Variants in RNF17 observed in about 807,000 individuals in gnomAD.
RNF17 encodes the protein ring finger protein 17, also known as spermatogenesis associated 23.
Under a neutral mutation model 200.5 loss-of-function variants are expected in RNF17, and 31 were observed. That is an observed-to-expected ratio of 0.15 (90% CI 0.12 to 0.21). The LOEUF is 0.21. RNF17 is among the 10% of genes least tolerant of loss of function. RNF17 has a pLI of 1.00. For missense variants in RNF17, 1,628 were observed against 1,905.1 expected, an observed-to-expected ratio of 0.85 and a Z score of 2.71; for synonymous variants, 606 against 637.8, an observed-to-expected ratio of 0.95 and a Z score of 0.75.
At chr13:24,868,847 C>A in intron 31 of RNF17, 131 bp downstream of exon 31, 1 of 648,762 alleles carries the variant, frequency 1.5e-6, no homozygotes. Flanking sequence ...CTCTAGTTTG[C>A]CCCACCCTAT....
intron 29 of RNF17, 86 bp from the exon 30 acceptor site, chr13:24,866,058 A>T: frequency 1.4e-6 from 1 of 731,890 alleles, no homozygotes; most frequent in Non-Finnish European, 2.4e-6. Context: ...AAGGAAATGC[A>T]CCCAGTTTTT....
At chr13:24,830,695 T>G (rs1668690338) in intron 17 of RNF17, 96 bp downstream of exon 17, 1 of 868,378 alleles carries the variant, frequency 1.2e-6, no homozygotes, top group African/African-American at 1.7e-5. Context: ...TTAGTGTCCC[T>G]TTTTGTCTAG....
Position 24,877,035 on chromosome 13 carries a change from C to T in RNF17, c.4622C>T (p.Ala1541Val). The T allele has an allele frequency of 6.2e-7, 1 of 1,611,342 alleles. No homozygotes were observed. The highest frequency in any genetic ancestry group is 8.5e-7 in the Non-Finnish European group (1 of 1,179,314). ...CCTTCTCATCTTATGCGGTATCCAG[C>T]TCGAGCCATAAAGGTTCTCTTGGCA... ...QIPSHLMRYP[A>V]RAIKVLLAGF... is the part of the protein sequence containing the mutation. The change falls in exon 34 of 36, where the codon GCT (alanine) becomes GTT (valine). Residue 1541 changes from alanine to valine, a missense_variant. By Grantham distance (64) the Ala-to-Val change is moderately conservative. Around this residue, in one of 5 missense-constraint regions of RNF17, gnomAD observed 609 missense variants for 681.9 expected, o/e 0.89. Transcript: ENST00000255324.
intron 1 of RNF17, among the ~76,000 whole-genome samples, chr13:24,766,862 C>A (rs2137874957): frequency 6.6e-6 from 1 of 152,314 alleles, no homozygotes; most frequent in Middle Eastern, 3.4e-3. Context: ...AATGCTATTA[C>A]ATAGCTCTTC....
At chr13:24,825,530 A>G (rs1888535237) in intron 15 of RNF17, 89 bp from the exon 16 acceptor site, 10 of 861,150 alleles carry the variant, frequency 1.2e-5, no homozygotes, top group Non-Finnish European at 1.8e-5. Flanking sequence ...TTAATGTTTC[A>G]TAATTTCAAT....
At position 24,764,178 on chromosome 13, in the gene RNF17, G is replaced by A. The variant is rs372541252; in HGVS notation, c.-26G>A. On this transcript the variant is annotated 5_prime_UTR_variant, in exon 1 of 36. Coordinates refer to ENST00000255324, the MANE Select transcript of RNF17 (RefSeq NM_031277.3). ...AGGGCCGCCGGGACTCGCACTCGGC[G>A]GTTGTTCCAGAAGAAAGAGACAGCG... 4.6e-5 allele frequency: 72 copies of A among 1,569,248 alleles called. No homozygotes were observed. In the African/African-American group the frequency reaches 8.0e-4, roughly 17 times the overall value.
intron 1 of RNF17, among the ~76,000 whole-genome samples, chr13:24,766,451 A>G (rs1879708843): frequency 6.6e-6 from 1 of 152,254 alleles, no homozygotes; most frequent in African/African-American, 2.4e-5. Context: ...TCAAGTTACG[A>G]TATTTCCTTT....
intron 15 of RNF17, among the ~76,000 whole-genome samples, chr13:24,822,722 A>G (rs1428821582): frequency 6.6e-6 from 1 of 152,148 alleles, no homozygotes; most frequent in Admixed American, 6.6e-5. Context: ...ACCCAGTCTC[A>G]GTAATTTCTT....
At chr13:24,819,976 T>C (rs1452590854) in intron 15 of RNF17, among the ~76,000 whole-genome samples, 2 of 152,160 alleles carry the variant, frequency 1.3e-5, no homozygotes, top group Non-Finnish European at 2.9e-5. Flanking sequence ...GTCTTAATTT[T>C]TCTCACGTTT....
chr13:24,775,060 A>G (rs992772321), intron 3 of RNF17, among the ~76,000 whole-genome samples, 156 bp downstream of exon 3: 3 of 152,170 alleles, frequency 2.0e-5, no homozygotes, highest in African/African-American at 4.8e-5. Context: ...CTGTCAGTGG[A>G]ATGGAGACTT....
In RNF17 at chr13:24,879,221, A is replaced by T. The variant is rs751253061; in HGVS notation, c.4808A>T (p.Asp1603Val). The change falls in exon 35 of 36, where the codon GAC becomes GTC. Residue 1603 changes from aspartate to valine, a missense_variant. Coordinates refer to ENST00000255324, the MANE Select transcript of RNF17 (RefSeq NM_031277.3). ...CCAGAACAGATAGTGACATTATATG[A>T]CGATGAACAGCATCCAGTTCATATG... ...PAPEQIVTLY[D>V]DEQHPVHMPL... The T allele has an allele frequency of 1.9e-6, 3 of 1,613,856 alleles. No individual in the cohort carries two copies. Among genetic ancestry groups the T allele is most frequent in the Non-Finnish European group, 8.5e-7 (1 of 1,179,736 alleles).
At chr13:24,846,177 C>T (rs1412692066) in intron 22 of RNF17, among the ~76,000 whole-genome samples, 3 of 152,176 alleles carry the variant, frequency 2.0e-5, no homozygotes, top group Admixed American at 6.5e-5. Context: ...CATGTCTAGG[C>T]TGCCCCATCT....
Position 24,793,333 on chromosome 13 carries a change from A to G in RNF17, c.1227A>G (p.Glu409=), listed in dbSNP as rs1456556722. 1 of 1,586,986 alleles carries G rather than the reference A, an allele frequency of 6.3e-7. No individual in the cohort carries two copies. The highest frequency in any genetic ancestry group is 2.2e-5 in the East Asian group (1 of 44,674). ...SPDVIIEEII[E]DNVESSAELV... The stretch of plus-strand genomic sequence containing the variant: ...ATGTGATAATTGAAGAAATTATTGA[A>G]GACAACGTGGAAAGTAAGTTAAAAT... Residue 409 remains glutamate (E), a synonymous_variant, in exon 10 of 36, where the codon GAA becomes GAG. Transcript: ENST00000255324.
chr13:24,756,293 C>G, the RNF17 span, among the ~76,000 whole-genome samples: 1 of 151,950 alleles, frequency 6.6e-6, no homozygotes, highest in Non-Finnish European at 1.5e-5. Context: ...TATAAAACAT[C>G]AAATATTTAG....
At chr13:24,814,781 C>T (rs959312583) in intron 15 of RNF17, among the ~76,000 whole-genome samples, 4 of 152,252 alleles carry the variant, frequency 2.6e-5, no homozygotes, top group South Asian at 2.1e-4. Flanking sequence ...GAAATCAAAA[C>T]GTGTGAGTCT....
chr13:24,764,888 GGT>G (rs57755622), intron 1 of RNF17, among the ~76,000 whole-genome samples: 24,362 of 133,734 alleles, frequency 0.18, 1,974 homozygotes, highest in Admixed American at 0.24. Flanking sequence ...CACCTTGTGG[GGT>G]GTGTGTGTGT....
At chr13:24,868,797 TTCTC>T in intron 31 of RNF17, 81 bp downstream of exon 31, 2 of 763,918 alleles carry the variant, frequency 2.6e-6, no homozygotes, top group South Asian at 3.0e-5. Context: ...GACTCTTCAC[TTCTC>T]TATTTTCCTG....
At position 24,793,199 on chromosome 13, in the gene RNF17, G is replaced by C. The variant is rs1884102358; in HGVS notation, c.1093G>C (p.Glu365Gln). 6.2e-7 allele frequency: 1 copy of C among 1,614,110 alleles called. No homozygotes were observed. The highest frequency in any genetic ancestry group is 1.3e-5 in the African/African-American group (1 of 75,050). ...SEAPPPPLQP[E>Q]TNDVHLEAKN... ...AGCACCACCACCTCCTTTGCAACCT[G>C]AGACAAATGATGTACATTTAGAAGC... Residue 365 changes from glutamate (E) to glutamine (Q), a missense_variant, in exon 10 of 36, where the codon GAG becomes CAG. This residue lies in a region of RNF17 where 502 missense variants were observed against 501.7 expected (regional missense o/e 1.00). Transcript: ENST00000255324.
intron 16 of RNF17, among the ~76,000 whole-genome samples, chr13:24,828,217 A>T (rs940553382): frequency 2.8e-5 from 4 of 142,650 alleles, no homozygotes; most frequent in African/African-American, 1.0e-4. Context: ...TTTGGGGAAG[A>T]TGGAGTGTGC....
Sources: allele counts gnomAD v4.1 joint callset (sites outside exome capture counted in the v4.1 genomes callset), GRCh38; gene constraint gnomAD v4.1.1; regional missense constraint gnomAD v4.1.1; transcripts MANE v1.5; gene names NCBI Gene and HGNC (gene_info 2026-07-23, HGNC 2026-07-21).